The following MTA2 variants were observed in gnomAD, a reference collection of about 807,000 sequenced individuals.
MTA2 encodes the protein metastasis-associated protein MTA2.
In MTA2, 22 loss-of-function variants were observed where a neutral mutation model predicts 87.1. The observed-to-expected ratio is 0.25, with a 90% CI of 0.18 to 0.36. The LOEUF is 0.36. MTA2 is among the 10% of genes least tolerant of loss of function. The pLI is 1.00. For missense variants in MTA2, 542 were observed against 853.2 expected, an observed-to-expected ratio of 0.64 and a Z score of 4.54; for synonymous variants, 314 against 310.1, an observed-to-expected ratio of 1.01 and a Z score of -0.13.
At position 62,593,923 on chromosome 11, in the gene MTA2, T is replaced by C. The variant is rs1590728630; in HGVS notation, c.1959A>G (p.Ala653=). The C allele has an allele frequency of 1.2e-6, 2 of 1,614,076 alleles. No homozygotes were observed. Among genetic ancestry groups the C allele is most frequent in the African/African-American group, 1.3e-5 (1 of 74,980 alleles). The stretch of plus-strand genomic sequence containing the variant: ...CATTGGTGCTGGCAGGATGTGAGGG[T>C]GCAGGTAGAGGGACAGGGGGCCGCA... ...IAVRPPVPLP[A]PSHPASTNEP... The change falls in exon 18 of 18, where the codon GCA becomes GCG. Residue 653 remains alanine (A), a synonymous_variant. Transcript: ENST00000278823.
chr11:62,594,878 A>T (rs1048797808), intron 15 of MTA2, 103 bp downstream of exon 15: 1 of 1,088,476 alleles, frequency 9.2e-7, no homozygotes, highest in Non-Finnish European at 1.4e-6. Flanking sequence ...GTTAGACTAA[A>T]TCTCTGAGGA....
At chr11:62,597,993 G>C in intron 6 of MTA2, 31 bp downstream of exon 6, 1 of 1,571,814 alleles carries the variant, frequency 6.4e-7, no homozygotes, top group Non-Finnish European at 8.8e-7. Context: ...TAGACAACCT[G>C]GTAGCCGTAC....
chr11:62,594,462 G>A, intron 16 of MTA2, 54 bp downstream of exon 16: 6 of 1,613,550 alleles, frequency 3.7e-6, no homozygotes, highest in Non-Finnish European at 4.2e-6. Flanking sequence ...AGACTCCTAT[G>A]AGAGACAAAA....
chr11:62,594,262 G>T lies in MTA2; in HGVS notation c.1838C>A (p.Thr613Asn). The T allele has an allele frequency of 6.2e-7, 1 of 1,614,108 alleles. No individual in the cohort carries two copies. Among genetic ancestry groups the T allele is most frequent in the Non-Finnish European group, 8.5e-7 (1 of 1,180,018 alleles). ...NPVVFVATKDTRALRKALTHL... is the reference protein window; with the variant it reads ...NPVVFVATKDNRALRKALTHL... ...CCTCCCATGGTAGACGCCTTACCTG[G>T]TATCCTTTGTGGCCACAAACACCAC... is the stretch of plus-strand genomic sequence containing the variant. Residue 613 changes from threonine (T) to asparagine (N), a missense_variant, in exon 17 of 18, where the codon ACC becomes AAC. Around this residue, in one of 6 missense-constraint regions of MTA2, gnomAD observed 269 missense variants for 346.4 expected, o/e 0.78. Coordinates refer to ENST00000278823, the MANE Select transcript of MTA2 (RefSeq NM_004739.4).
intron 8 of MTA2, 65 bp from the exon 9 acceptor site, chr11:62,596,890 TA>T: frequency 6.6e-7 from 1 of 1,507,780 alleles, no homozygotes. Context: ...TCCTGCTCCT[TA>T]AAACACTCCC....
In MTA2 at chr11:62,594,386, A is replaced by G; in HGVS notation, c.1714T>C (p.Phe572Leu). ...YETMAGAGVP[F>L]SANGRPLASG... is the part of the protein sequence containing the mutation. ...GCCAGAGGCCTTCCATTGGCAGAGA[A>G]AGGAACCCCTGCCCCTGCCATCTGG... The change falls in exon 17 of 18, where the codon TTC (phenylalanine) becomes CTC (leucine). Residue 572 changes from phenylalanine to leucine, a missense_variant. Phe to Leu is a conservative substitution (Grantham distance 22, BLOSUM62 0). This residue lies in a region of MTA2 where 269 missense variants were observed against 346.4 expected (regional missense o/e 0.78). Transcript: ENST00000278823. 6.2e-7 allele frequency: 1 copy of G among 1,614,184 alleles called. No homozygotes were observed. Among genetic ancestry groups the G allele is most frequent in the Non-Finnish European group, 8.5e-7 (1 of 1,180,026 alleles).
In MTA2 at chr11:62,596,323, A is replaced by G. The variant is rs1942097890; in HGVS notation, c.972T>C (p.Ala324=). 1 of 1,614,192 alleles carries G rather than the reference A, an allele frequency of 6.2e-7. No homozygotes were observed. Among genetic ancestry groups the G allele is most frequent in the Non-Finnish European group, 8.5e-7 (1 of 1,180,032 alleles). ...DRYIQQKRLK[A]AEADSKLKQV... ...GTTTCAGTTTGCTGTCTGCTTCAGC[A>G]GCTTTCAACCTTTTCTGTAAGAAGG... The change falls in exon 11 of 18, where the codon GCT becomes GCC. Residue 324 remains alanine (A), a synonymous_variant. Coordinates refer to ENST00000278823, the MANE Select transcript of MTA2 (RefSeq NM_004739.4).
intron 8 of MTA2, 49 bp from the exon 9 acceptor site, chr11:62,596,874 CTCCCT>C: frequency 2.6e-6 from 4 of 1,551,924 alleles, no homozygotes; most frequent in Non-Finnish European, 3.5e-6. Context: ...TTTGGCACCA[CTCCCT>C]TCCTGCTCCT....
rs1942088481 is a variant in MTA2 at position 62,595,630 on chromosome 11, G to A, written c.1254+122C>T. ...CTTGGCCTATGTGTCTCCCCAACCAGCATCAAGCACCCCGTCCATCAAACC... is the reference window on the plus strand; with the variant it reads ...CTTGGCCTATGTGTCTCCCCAACCAACATCAAGCACCCCGTCCATCAAACC... On this transcript the variant is annotated intron_variant, in intron 13 of 17. Coordinates refer to ENST00000278823, the MANE Select transcript of MTA2 (RefSeq NM_004739.4). The surrounding 1 kb of genome is among the most constrained non-coding windows in gnomAD (Gnocchi z 4.9). The A allele has an allele frequency of 2.6e-6, 4 of 1,523,792 alleles. No individual in the cohort carries two copies. The highest frequency in any genetic ancestry group is 1.2e-5 in the South Asian group (1 of 80,974). 94.4% of individuals were successfully genotyped at this position (1,523,792 alleles called of 1,614,324 possible).
chr11:62,600,536 G>C (rs951367449), intron 2 of MTA2, 86 bp downstream of exon 2: 4 of 1,264,318 alleles, frequency 3.2e-6, no homozygotes, highest in African/African-American at 1.5e-5. Context: ...TGGGTACTTA[G>C]TATAGGATCC....
intron 6 of MTA2, 149 bp from the exon 7 acceptor site, chr11:62,597,861 T>C (rs1942120393): frequency 1.9e-6 from 2 of 1,029,632 alleles, no homozygotes; most frequent in African/African-American, 1.6e-5. Context: ...CCATTTTCCC[T>C]TTTCAGGTTC....
rs995904228 is a variant in MTA2 at position 62,599,696 on chromosome 11, G to A, written c.190+470C>T. On this transcript the variant is annotated intron_variant, in intron 3 of 17. Transcript: ENST00000278823. ...GAGGGGGGCGGGCGGGGAAATGGGC[G>A]AGGTGAGAAATTAAAAAGCGCAAGA... is the stretch of plus-strand genomic sequence containing the variant. Among the ~76,000 whole-genome samples the A allele has an allele frequency of 4.6e-5, 7 of 152,050 alleles. No homozygotes were observed. In the East Asian group the frequency reaches 1.3e-3, roughly 29 times the overall value.
chr11:62,599,568 GAAAGGAA>G (rs1248004324), intron 3 of MTA2, among the ~76,000 whole-genome samples: 1 of 149,766 alleles, frequency 6.7e-6, no homozygotes, highest in African/African-American at 2.5e-5. Context: ...ACCAAAGCAG[GAAAGGAA>G]AAAGAAGCTA....
chr11:62,597,958 A>AT, intron 6 of MTA2, 66 bp downstream of exon 6: 1 of 1,384,146 alleles, frequency 7.2e-7, no homozygotes, highest in South Asian at 1.2e-5. Context: ...CACAGAGACT[A>AT]TAATGTTAAA....
Position 62,601,561 on chromosome 11 carries a change from C to G in MTA2, c.-111G>C. 2 of 1,313,940 alleles carry G rather than the reference C, an allele frequency of 1.5e-6. No homozygotes were observed. The highest frequency in any genetic ancestry group is 1.5e-5 in the African/African-American group (1 of 65,036). 81.4% of individuals were successfully genotyped at this position (1,313,940 alleles called of 1,614,324 possible). The stretch of plus-strand genomic sequence containing the variant: ...CGGTGGGCTGCCGCTTCGAGGGAGT[C>G]TCACTGGGGCCCGCGCAGCCGGCAC... On this transcript the variant is annotated 5_prime_UTR_variant, in exon 1 of 18. Coordinates refer to ENST00000278823, the MANE Select transcript of MTA2 (RefSeq NM_004739.4).
intron 17 of MTA2, 35 bp from the exon 18 acceptor site, chr11:62,594,075 C>A: frequency 6.4e-7 from 1 of 1,566,184 alleles, no homozygotes; most frequent in Non-Finnish European, 8.6e-7. Context: ...ACAGAAAAGG[C>A]TTAGAGAACA....
chr11:62,601,313 G>A (rs1942192534), intron 1 of MTA2, 110 bp downstream of exon 1: 1 of 1,370,310 alleles, frequency 7.3e-7, no homozygotes, highest in East Asian at 2.7e-5. Flanking sequence ...CCGCGCTCCG[G>A]TCCACGCTGC....
At position 62,596,049 on chromosome 11, in the gene MTA2, C is replaced by T; in HGVS notation, c.1075G>A (p.Ala359Thr). Residue 359 changes from alanine (A) to threonine (T), a missense_variant, in exon 12 of 18, where the codon GCT becomes ACT. Ala to Thr is a moderately conservative substitution (Grantham distance 58, BLOSUM62 0). Around this residue, in one of 6 missense-constraint regions of MTA2, gnomAD observed 46 missense variants for 109.1 expected, o/e 0.42. Coordinates refer to ENST00000278823, the MANE Select transcript of MTA2 (RefSeq NM_004739.4). ...SVGSKPGMNG[A>T]GFQKGLTCES... ...CAAGTCAGGCCCTTCTGAAATCCAGCCCCATTCATGCCAGGTTTTGAACCC... is the reference window on the plus strand; with the variant it reads ...CAAGTCAGGCCCTTCTGAAATCCAGTCCCATTCATGCCAGGTTTTGAACCC... 1.2e-6 allele frequency: 2 copies of T among 1,614,210 alleles called. No homozygotes were observed. Among genetic ancestry groups the T allele is most frequent in the Non-Finnish European group, 1.7e-6 (2 of 1,180,036 alleles).
intron 3 of MTA2, 47 bp from the exon 4 acceptor site, chr11:62,598,686 A>C (rs766081782): frequency 1.3e-6 from 2 of 1,516,116 alleles, no homozygotes. Flanking sequence ...GGATCCAGCA[A>C]AACACCACCC....
Sources: gnomAD v4.1 joint callset for allele counts (sites outside exome capture counted in the v4.1 genomes callset) on GRCh38, gnomAD v4.1.1 for gene constraint, gnomAD v4.1.1 regional missense constraint, Gnocchi (gnomAD v3.1) non-coding constraint, MANE v1.5 for transcripts, NCBI Gene and HGNC (gene_info 2026-07-23, HGNC 2026-07-21) for gene names.